FAM107B: variants seen among roughly 807,000 people sequenced by gnomAD.
FAM107B encodes family with sequence similarity 107 member B.
In FAM107B, 21 loss-of-function variants were observed where a neutral mutation model predicts 31.5. The ratio of observed to expected loss-of-function variants is 0.67; its 90% CI spans 0.47 to 0.96. The LOEUF is 0.96. FAM107B is among the 40% of genes least tolerant of loss of function. The probability of loss-of-function intolerance (pLI) is 0.00; values close to 1 mark genes in which losing one functional copy is unlikely to be tolerated. For missense variants in FAM107B, 452 were observed against 377.1 expected, an observed-to-expected ratio of 1.20 and a Z score of -1.64; for synonymous variants, 157 against 141.5, an observed-to-expected ratio of 1.11 and a Z score of -0.78.
At chr10:14,521,654 T>G (rs1206079455) in intron 4 of FAM107B, among the ~76,000 whole-genome samples, 2 of 152,242 alleles carry the variant, frequency 1.3e-5, no homozygotes, top group Non-Finnish European at 2.9e-5. Context: ...TGTCCCTGTT[T>G]TGCTTTTGCC....
intron 2 of FAM107B, among the ~76,000 whole-genome samples, chr10:14,572,688 T>C (rs1194775663): frequency 1.4e-5 from 2 of 139,004 alleles, no homozygotes; most frequent in East Asian, 4.3e-4. Flanking sequence ...AGCCACTGCA[T>C]TTCAACCTGG....
At chr10:14,619,521 T>C (rs1852943289) in intron 2 of FAM107B, among the ~76,000 whole-genome samples, 1 of 152,186 alleles carries the variant, frequency 6.6e-6, no homozygotes, top group Admixed American at 6.5e-5. Context: ...CAGTTTTTAT[T>C]GGTTGTGTGT....
intron 1 of FAM107B, among the ~76,000 whole-genome samples, chr10:14,734,076 C>T (rs1856236453): frequency 6.6e-6 from 1 of 151,708 alleles, no homozygotes; most frequent in African/African-American, 2.4e-5. Context: ...CAAGCTTGCA[C>T]ATTTGGACTT....
At chr10:14,720,641 A>C (rs1339297400) in intron 1 of FAM107B, among the ~76,000 whole-genome samples, 1 of 152,184 alleles carries the variant, frequency 6.6e-6, no homozygotes, top group Non-Finnish European at 1.5e-5. Context: ...TATTTTAGAA[A>C]CATAAGAAAA....
intron 1 of FAM107B, among the ~76,000 whole-genome samples, chr10:14,759,181 AAAAT>A (rs60547324): frequency 0.036 from 5,143 of 144,868 alleles, 102 homozygotes; most frequent in Middle Eastern, 0.073. Context: ...TCTGTCTCAA[AAAAT>A]AAATAAATAA....
At chr10:14,745,758 A>C (rs1382760218) in intron 1 of FAM107B, among the ~76,000 whole-genome samples, 1 of 152,148 alleles carries the variant, frequency 6.6e-6, no homozygotes, top group Non-Finnish European at 1.5e-5. Context: ...TGTGTTGCTG[A>C]GAAGAATGTA....
At chr10:14,713,600 G>A (rs1409289990) in intron 1 of FAM107B, among the ~76,000 whole-genome samples, 2 of 152,186 alleles carry the variant, frequency 1.3e-5, no homozygotes, top group African/African-American at 4.8e-5. Context: ...TTGAGAGGAA[G>A]GAAAACATCA....
intron 2 of FAM107B, among the ~76,000 whole-genome samples, chr10:14,593,762 TTGAG>T (rs943399537): frequency 1.3e-5 from 2 of 152,130 alleles, no homozygotes; most frequent in Non-Finnish European, 2.9e-5. Context: ...ACCAAGCTAC[TTGAG>T]TGTGTAAGGT....
intron 1 of FAM107B, among the ~76,000 whole-genome samples, chr10:14,674,654 A>C (rs955106571): frequency 6.6e-6 from 1 of 152,194 alleles, no homozygotes; most frequent in Non-Finnish European, 1.5e-5. Flanking sequence ...TCCCCAAGCA[A>C]GTTAATTAGA....
chr10:14,521,390 C>G, intron 4 of FAM107B, 84 bp from the exon 5 acceptor site: 1 of 1,088,730 alleles, frequency 9.2e-7, no homozygotes, highest in Non-Finnish European at 1.4e-6. Context: ...AAGTCCCTGA[C>G]AACTTTACTT....
At chr10:14,526,261 C>T (rs1330967902) in intron 3 of FAM107B, among the ~76,000 whole-genome samples, 3 of 152,184 alleles carry the variant, frequency 2.0e-5, no homozygotes, top group Non-Finnish European at 2.9e-5. Context: ...GCAACCTCCG[C>T]TTCCTGGGTT....
chr10:14,569,259 C>T (rs1571035), intron 2 of FAM107B, among the ~76,000 whole-genome samples: 76,293 of 151,964 alleles, frequency 0.5, 19,329 homozygotes, highest in South Asian at 0.63. Context: ...TAACTGCCAA[C>T]AACTGATATA....
At chr10:14,608,295 A>C (rs566835048) in intron 2 of FAM107B, among the ~76,000 whole-genome samples, 13 of 152,182 alleles carry the variant, frequency 8.5e-5, no homozygotes, top group Non-Finnish European at 1.8e-4. Context: ...ATAAAATCTT[A>C]ATTTTAAAAT....
At chr10:14,565,245 G>A (rs555006406) in intron 2 of FAM107B, among the ~76,000 whole-genome samples, 3 of 152,296 alleles carry the variant, frequency 2.0e-5, no homozygotes, top group South Asian at 2.1e-4. Context: ...GCAGGCATTC[G>A]ACAAAGGAGT....
chr10:14,672,102 TTA>T (rs1199971062), intron 1 of FAM107B, among the ~76,000 whole-genome samples: 13 of 1,654 alleles, frequency 7.9e-3, no homozygotes, highest in African/African-American at 0.011. Context: ...TTTTATTTAT[TTA>T]TTTTTTTTTT....
At chr10:14,550,885 T>C (rs1360945620) in intron 2 of FAM107B, among the ~76,000 whole-genome samples, 4 of 152,242 alleles carry the variant, frequency 2.6e-5, no homozygotes, top group African/African-American at 9.6e-5. Context: ...TGTCTTTTAC[T>C]GACAGCTGGT....
chr10:14,606,755 AGAG>A (rs1415534393), intron 2 of FAM107B, among the ~76,000 whole-genome samples: 1 of 151,964 alleles, frequency 6.6e-6, no homozygotes, highest in Non-Finnish European at 1.5e-5. Context: ...GCCCAAACAC[AGAG>A]AAGAGGCCAC....
intron 2 of FAM107B, chr10:14,653,996 C>G (rs572060072): frequency 1.3e-5 from 2 of 152,116 alleles, no homozygotes; most frequent in Non-Finnish European, 2.9e-5. Flanking sequence ...TGTGTTTCTT[C>G]CTTTCATCTC....
At chr10:14,582,536 C>T (rs1851672304) in intron 2 of FAM107B, among the ~76,000 whole-genome samples, 2 of 151,820 alleles carry the variant, frequency 1.3e-5, no homozygotes, top group South Asian at 4.2e-4. Flanking sequence ...TGCCACCACA[C>T]CCGGCTAATT....
Sources: gnomAD v4.1 joint callset for allele counts (sites outside exome capture counted in the v4.1 genomes callset) on GRCh38, gnomAD v4.1.1 for gene constraint, MANE v1.5 for transcripts, NCBI Gene and HGNC (gene_info 2026-07-23, HGNC 2026-07-21) for gene names.